Variants in PTPRQ observed in about 807,000 individuals in gnomAD.
The protein encoded by PTPRQ is phosphatidylinositol phosphatase PTPRQ.
Under a neutral mutation model 246.0 loss-of-function variants are expected in PTPRQ, and 199 were observed. The observed-to-expected ratio is 0.81, with a 90% CI of 0.72 to 0.91. The LOEUF (loss-of-function observed/expected upper bound fraction) is 0.91. Ranked by LOEUF, PTPRQ falls within the 40% of genes least tolerant of loss-of-function variation. PTPRQ has a pLI of 0.00. For synonymous variants in PTPRQ, 869 were observed against 853.2 expected (o/e 1.02, Z -0.32); for missense variants, 2,624 against 2,528.4 (o/e 1.04, Z -0.81).
At chr12:80,663,410 C>T (rs918880153) in intron 39 of PTPRQ, among the ~76,000 whole-genome samples, 2 of 151,852 alleles carry the variant, frequency 1.3e-5, no homozygotes, top group South Asian at 2.1e-4. Context: ...CATACCCTCC[C>T]GTACGTACTC....
chr12:80,547,365 A>ATT (rs377083078), intron 24 of PTPRQ, among the ~76,000 whole-genome samples: 1 of 149,844 alleles, frequency 6.7e-6, no homozygotes, highest in African/African-American at 2.4e-5. Context: ...CCTCTTCTTA[A>ATT]TTTTTTTTTT....
At position 80,586,231 on chromosome 12, in the gene PTPRQ, C is replaced by T. The variant is rs192424566; in HGVS notation, c.4286-1898C>T. On this transcript the variant is annotated intron_variant, in intron 25 of 44. Coordinates refer to ENST00000644991, the MANE Select transcript of PTPRQ (RefSeq NM_001145026.2). Reference sequence around the variant, plus strand: ...ACAAACAACCCCATCAAAAAGTGGGCGAAGGACATGAACAGACACTTCTCA... The same window carrying T: ...ACAAACAACCCCATCAAAAAGTGGGTGAAGGACATGAACAGACACTTCTCA... Among the ~76,000 whole-genome samples the T allele has an allele frequency of 1.3e-3, 202 of 151,800 alleles. 1 individual carries two copies. The highest frequency in any genetic ancestry group is 4.4e-3 in the African/African-American group (181 of 41,336).
At chr12:80,630,935 C>T (rs1012041217) in intron 33 of PTPRQ, among the ~76,000 whole-genome samples, 3 of 152,042 alleles carry the variant, frequency 2.0e-5, no homozygotes, top group South Asian at 2.1e-4. Flanking sequence ...CAGGTTGTCT[C>T]GAACTCCTAA....
Position 80,497,053 on chromosome 12 carries a change from G to A in PTPRQ, c.2272+522G>A, listed in dbSNP as rs1468030270. Reference sequence around the variant, plus strand: ...GGTCCCCAACCTTTTTGGCACTGGGGACCAGTTTCATGGAAGACAATTTTT... The same window carrying A: ...GGTCCCCAACCTTTTTGGCACTGGGAACCAGTTTCATGGAAGACAATTTTT... On this transcript the variant is annotated intron_variant, in intron 14 of 44. Transcript: ENST00000644991. 3.3e-5 allele frequency among the ~76,000 whole-genome samples: 5 copies of A among 152,030 alleles called. No homozygotes were observed. In the East Asian group the frequency reaches 7.8e-4, roughly 24 times the overall value.
chr12:80,474,020 C>G (rs1373470370), intron 8 of PTPRQ, among the ~76,000 whole-genome samples: 1 of 152,198 alleles, frequency 6.6e-6, no homozygotes, highest in Non-Finnish European at 1.5e-5. Context: ...ATGGAGTTCT[C>G]TTGGGATAGT....
intron 9 of PTPRQ, among the ~76,000 whole-genome samples, chr12:80,486,275 T>A: frequency 6.6e-6 from 1 of 152,148 alleles, no homozygotes; most frequent in East Asian, 1.9e-4. Flanking sequence ...ATCATCCACC[T>A]TAGTTGCTAC....
At chr12:80,606,046 C>T (rs997724929) in intron 27 of PTPRQ, among the ~76,000 whole-genome samples, 1 of 151,046 alleles carries the variant, frequency 6.6e-6, no homozygotes, top group African/African-American at 2.4e-5. Context: ...AATCAACTAA[C>T]TCATGATGGT....
rs543201505 is a variant in PTPRQ, at chr12:80,462,037, T to C, written c.910+1135T>C. ...GCAGGTCAGTGCGTGCAGTGCGCCG[T>C]GAGAGAGCCGAAGCAGGGCGAGGCA... On this transcript the variant is annotated intron_variant, in intron 6 of 44. Transcript: ENST00000644991. 2,057 of 701,128 alleles carry C rather than the reference T, an allele frequency of 2.9e-3. 14 individuals are homozygous for C. The highest frequency in any genetic ancestry group is 4.7e-3 in the Admixed American group (232 of 49,890). The allele number at this position is 701,128 out of a possible 1,614,324, so 43.4% of individuals were successfully genotyped here.
intron 8 of PTPRQ, among the ~76,000 whole-genome samples, chr12:80,479,481 T>TA (rs1303008983): frequency 2.7e-5 from 4 of 147,806 alleles, no homozygotes; most frequent in Non-Finnish European, 6.0e-5. Context: ...ATGAGCAAAA[T>TA]AACCAGCTAA....
At chr12:80,621,548 A>G (rs1410008004) in intron 32 of PTPRQ, among the ~76,000 whole-genome samples, 1 of 151,982 alleles carries the variant, frequency 6.6e-6, no homozygotes, top group Non-Finnish European at 1.5e-5. Context: ...TTCAAATGCT[A>G]TGGAAGCAAA....
At chr12:80,500,748 C>T (rs1438881535) in intron 14 of PTPRQ, among the ~76,000 whole-genome samples, 6 of 151,866 alleles carry the variant, frequency 4.0e-5, no homozygotes, top group Non-Finnish European at 7.4e-5. Flanking sequence ...GTTCTACCAC[C>T]GTACTAGGTA....
At chr12:80,540,374 G>A (rs2120833715) in intron 20 of PTPRQ, among the ~76,000 whole-genome samples, 1 of 152,124 alleles carries the variant, frequency 6.6e-6, no homozygotes, top group African/African-American at 2.4e-5. Flanking sequence ...TATATCCAGA[G>A]TATTTTCCTT....
Position 80,559,873 on chromosome 12 carries a change from G to A in PTPRQ, c.4285+10139G>A, listed in dbSNP as rs566281600. Among the ~76,000 whole-genome samples, 3 of 151,996 alleles carry A rather than the reference G, an allele frequency of 2.0e-5. No homozygotes were observed. The East Asian group carries it at 5.8e-4, about 29-fold the overall frequency. ...TTTTGTAAAATCTGGTCCTGAATAA[G>A]TCACAATATAAAAATAAATGTACAC... On this transcript the variant is annotated intron_variant, in intron 25 of 44. Transcript: ENST00000644991.
intron 30 of PTPRQ, among the ~76,000 whole-genome samples, chr12:80,618,783 A>G (rs1394823065): frequency 1.3e-5 from 2 of 151,588 alleles, no homozygotes; most frequent in Admixed American, 6.6e-5. Context: ...ACTTGGAAAC[A>G]TTTAACCAAG....
intron 20 of PTPRQ, among the ~76,000 whole-genome samples, chr12:80,540,206 C>T (rs1177590533): frequency 6.6e-6 from 1 of 151,930 alleles, no homozygotes; most frequent in Non-Finnish European, 1.5e-5. Context: ...GTTATGGGCA[C>T]AAAAAGTACT....
intron 38 of PTPRQ, among the ~76,000 whole-genome samples, chr12:80,656,995 T>G (rs1380046350): frequency 1.3e-5 from 2 of 151,814 alleles, no homozygotes; most frequent in Non-Finnish European, 2.9e-5. Flanking sequence ...AATGACAACT[T>G]TGACAAATGG....
chr12:80,598,741 C>T lies in PTPRQ; in HGVS notation c.4610-6318C>T, dbSNP rs73150751. Among the ~76,000 whole-genome samples, 869 of 151,996 alleles carry T rather than the reference C, an allele frequency of 5.7e-3. 7 individuals are homozygous for T. Among genetic ancestry groups the T allele is most frequent in the Non-Finnish European group, 9.1e-3 (615 of 67,928 alleles). ...CCCTTTTAATAAACTTTATACTGAA[C>T]TTAAATTCAAATAATTGTGCAGACA... On this transcript the variant is annotated intron_variant, in intron 26 of 44. Transcript: ENST00000644991.
At chr12:80,650,764 A>ATAAG (rs2121227101) in intron 37 of PTPRQ, among the ~76,000 whole-genome samples, 1 of 152,172 alleles carries the variant, frequency 6.6e-6, no homozygotes, top group African/African-American at 2.4e-5. Flanking sequence ...TTTCCCTAGA[A>ATAAG]TAAGAGTGAA....
chr12:80,626,289 A>G (rs1358520492), intron 33 of PTPRQ, among the ~76,000 whole-genome samples: 2 of 152,160 alleles, frequency 1.3e-5, no homozygotes, highest in African/African-American at 2.4e-5. Context: ...CAGGCTTGGT[A>G]TATATTGAAT....
Sources: gnomAD v4.1 joint callset for allele counts (sites outside exome capture counted in the v4.1 genomes callset) on GRCh38, gnomAD v4.1.1 for gene constraint, MANE v1.5 for transcripts, NCBI Gene and HGNC (gene_info 2026-07-23, HGNC 2026-07-21) for gene names.